KAZN: variants seen among roughly 807,000 people sequenced by gnomAD.
KAZN encodes the protein kazrin.
In KAZN, 40 loss-of-function variants were observed where a neutral mutation model predicts 87.4. The ratio of observed to expected loss-of-function variants is 0.46; its 90% CI spans 0.36 to 0.60. KAZN has a LOEUF of 0.60. Ranked by LOEUF, KAZN falls within the 20% of genes least tolerant of loss-of-function variation. KAZN has a pLI of 0.00. For synonymous variants in KAZN, 466 were observed against 458.3 expected (o/e 1.02, Z -0.22); for missense variants, 898 against 1,073.9 (o/e 0.84, Z 2.29).
chr1:14,206,586 G>A (rs1428153781), intron 2 of KAZN, among the ~76,000 whole-genome samples: 2 of 151,552 alleles, frequency 1.3e-5, no homozygotes, highest in Admixed American at 6.6e-5. Flanking sequence ...GTTAAAACAA[G>A]TGTTTTAAAA....
intron 2 of KAZN, among the ~76,000 whole-genome samples, chr1:14,446,311 G>A (rs1666982899): frequency 1.3e-5 from 2 of 152,160 alleles, no homozygotes; most frequent in African/African-American, 2.4e-5. Flanking sequence ...TCCCACCCTA[G>A]ATACCTTATT....
chr1:14,694,182 C>A (rs939958162), intron 1 of KAZN, among the ~76,000 whole-genome samples: 1 of 152,230 alleles, frequency 6.6e-6, no homozygotes, highest in Non-Finnish European at 1.5e-5. Flanking sequence ...GGTCGACAGT[C>A]GGCTTCAGCC....
At chr1:14,891,959 C>G (rs1174840189) in intron 1 of KAZN, among the ~76,000 whole-genome samples, 1 of 152,118 alleles carries the variant, frequency 6.6e-6, no homozygotes, top group African/African-American at 2.4e-5. Context: ...GTCAGGGAGT[C>G]TTACATCTGG....
chr1:14,775,699 C>T (rs964138095), intron 1 of KAZN, among the ~76,000 whole-genome samples: 8 of 152,218 alleles, frequency 5.3e-5, no homozygotes, highest in Non-Finnish European at 1.2e-4. Context: ...GAGAAGCTAC[C>T]GATTTAGCCT....
chr1:15,080,062 C>A (rs1639925452), intron 8 of KAZN, among the ~76,000 whole-genome samples: 1 of 152,088 alleles, frequency 6.6e-6, no homozygotes, highest in Non-Finnish European at 1.5e-5. Context: ...CCTGGCCAAC[C>A]CCAGGATCTC....
chr1:15,024,695 G>A (rs561273033), intron 2 of KAZN, among the ~76,000 whole-genome samples: 1 of 152,310 alleles, frequency 6.6e-6, no homozygotes, highest in Admixed American at 6.5e-5. Flanking sequence ...CTGGACCTGG[G>A]GTCTCACCTC....
intron 13 of KAZN, among the ~76,000 whole-genome samples, chr1:15,111,133 C>T (rs974736005): frequency 2.0e-5 from 3 of 152,146 alleles, no homozygotes; most frequent in Non-Finnish European, 2.9e-5. Context: ...AGTTTGAGAA[C>T]GTAGCTCATT....
At chr1:14,254,662 A>G (rs535993527) in intron 2 of KAZN, among the ~76,000 whole-genome samples, 27 of 152,262 alleles carry the variant, frequency 1.8e-4, no homozygotes, top group Non-Finnish European at 3.5e-4. Flanking sequence ...CTTGCAGGCT[A>G]GGTCATTCTT....
chr1:14,798,216 A>AC (rs1180904611), intron 1 of KAZN, among the ~76,000 whole-genome samples: 2 of 152,016 alleles, frequency 1.3e-5, no homozygotes, highest in Non-Finnish European at 2.9e-5. Flanking sequence ...AAGGAGTAAA[A>AC]CCACGGTGCT....
At chr1:14,005,813 A>G (rs1640011578) in intron 1 of KAZN, among the ~76,000 whole-genome samples, 1 of 152,154 alleles carries the variant, frequency 6.6e-6, no homozygotes, top group South Asian at 2.1e-4. Flanking sequence ...TTAAAGTTCC[A>G]GGTGTTGTTG....
intron 1 of KAZN, among the ~76,000 whole-genome samples, chr1:14,835,401 T>C (rs1647200910): frequency 6.6e-6 from 1 of 152,126 alleles, no homozygotes; most frequent in Admixed American, 6.5e-5. Flanking sequence ...TTGTACCCCG[T>C]AGGCAGAGCC....
intron 1 of KAZN, among the ~76,000 whole-genome samples, chr1:14,660,381 C>T (rs1312750693): frequency 6.6e-6 from 1 of 152,172 alleles, no homozygotes; most frequent in African/African-American, 2.4e-5. Context: ...CACACCTGCA[C>T]ACACACCCAT....
At chr1:14,719,781 G>A (rs1347837807) in intron 1 of KAZN, among the ~76,000 whole-genome samples, 3 of 152,192 alleles carry the variant, frequency 2.0e-5, no homozygotes, top group Non-Finnish European at 4.4e-5. Context: ...GGAGGTTGCG[G>A]TGAGCCAAGA....
intron 1 of KAZN, among the ~76,000 whole-genome samples, chr1:14,123,876 C>G (rs1343687994): frequency 6.6e-6 from 1 of 152,164 alleles, no homozygotes; most frequent in Non-Finnish European, 1.5e-5. Context: ...ATCCATGCCG[C>G]CACCCTCTTT....
intron 1 of KAZN, among the ~76,000 whole-genome samples, chr1:14,656,679 GAGA>G (rs1220461436): frequency 6.6e-6 from 1 of 152,212 alleles, no homozygotes; most frequent in Non-Finnish European, 1.5e-5. Flanking sequence ...TACATGGCCG[GAGA>G]AGGAGGAAGA....
At position 14,389,002 on chromosome 1, in the gene KAZN, GA is replaced by G. The variant is rs968393612; in HGVS notation, c.249+208419del. ...ATAAGGCACTCAAACAACTCTACAG[GA>G]AAAAAAAATCTAATAATTTGATTAA... On this transcript the variant is annotated intron_variant, in intron 2 of 16. Transcript: ENST00000636203. Among the ~76,000 whole-genome samples the G allele has an allele frequency of 3.2e-3, 485 of 150,914 alleles. 1 individual carries two copies. Among genetic ancestry groups the G allele is most frequent in the African/African-American group, 0.011 (439 of 41,170 alleles).
At chr1:14,887,319 T>C (rs778596649) in intron 1 of KAZN, among the ~76,000 whole-genome samples, 1 of 152,228 alleles carries the variant, frequency 6.6e-6, no homozygotes, top group Non-Finnish European at 1.5e-5. Context: ...GCAGTAGCAT[T>C]GCCGTGAAGA....
chr1:14,276,668 C>G (rs944681187), intron 2 of KAZN, among the ~76,000 whole-genome samples: 1 of 152,202 alleles, frequency 6.6e-6, no homozygotes, highest in African/African-American at 2.4e-5. Context: ...AAATCTCTTT[C>G]TATAAAAACA....
At chr1:15,103,585 A>C in intron 12 of KAZN, 125 bp downstream of exon 12, 1 of 709,406 alleles carries the variant, frequency 1.4e-6, no homozygotes, top group East Asian at 2.7e-5. Context: ...ATCAATGGGC[A>C]AATCCCACAC....
Sources: gnomAD v4.1 joint callset for allele counts (sites outside exome capture counted in the v4.1 genomes callset) on GRCh38, gnomAD v4.1.1 for gene constraint, MANE v1.5 for transcripts, NCBI Gene and HGNC (gene_info 2026-07-23, HGNC 2026-07-21) for gene names.